The following ZNF787 variants were observed in gnomAD, a reference collection of about 807,000 sequenced individuals.
ZNF787 encodes the protein zinc finger protein 787, also known as TTF-I-interacting peptide 20.
A neutral mutation model predicts 16.9 loss-of-function variants in ZNF787; 7 were observed. The ratio of observed to expected loss-of-function variants is 0.42; its 90% CI spans 0.24 to 0.78. The LOEUF (loss-of-function observed/expected upper bound fraction) is 0.78, where lower values mean the gene tolerates loss of function less well. Among genes scored for constraint, ZNF787 ranks in the 30% least tolerant of loss-of-function variants. ZNF787 has a pLI of 0.30. For missense variants in ZNF787, 551 were observed against 589.3 expected, an observed-to-expected ratio of 0.94 and a Z score of 0.67; for synonymous variants, 345 against 270.9, an observed-to-expected ratio of 1.27 and a Z score of -2.69.
chr19:56,091,919 CAGCCGAAGCCGA>C (rs71184312), intron 2 of ZNF787, among the ~76,000 whole-genome samples: 2,308 of 141,924 alleles, frequency 0.016, 65 homozygotes, highest in African/African-American at 0.062. Context: ...GCCGCAGCCG[CAGCCGAAGCCGA>C]AGCCGAAGCC....
At chr19:56,106,609 T>G (rs1159183332) in intron 1 of ZNF787, among the ~76,000 whole-genome samples, 10 of 152,132 alleles carry the variant, frequency 6.6e-5, no homozygotes, top group East Asian at 3.9e-4. Flanking sequence ...CACCCCCAGG[T>G]GGGTAGGACT....
chr19:56,092,170 C>T (rs991025683), intron 2 of ZNF787, among the ~76,000 whole-genome samples: 3 of 152,198 alleles, frequency 2.0e-5, no homozygotes, highest in African/African-American at 7.2e-5. Context: ...CGGTGAGGAG[C>T]ACAAGAGTTC....
intron 2 of ZNF787, among the ~76,000 whole-genome samples, chr19:56,099,405 C>T (rs560039567): frequency 2.0e-5 from 3 of 152,196 alleles, no homozygotes; most frequent in South Asian, 2.1e-4. Context: ...AGAGAGCTGG[C>T]GGAAGGGGAC....
chr19:56,095,637 G>A (rs1985841569), intron 2 of ZNF787, among the ~76,000 whole-genome samples: 2 of 152,156 alleles, frequency 1.3e-5, no homozygotes, highest in South Asian at 4.1e-4. Context: ...CCAAGGACAG[G>A]GGCCCTGCTC....
At chr19:56,103,587 T>A in intron 1 of ZNF787, 1 of 266,916 alleles carries the variant, frequency 3.7e-6, no homozygotes. Context: ...GAGAACATGT[T>A]ACTGTCAAGC....
intron 2 of ZNF787, among the ~76,000 whole-genome samples, chr19:56,089,582 G>A (rs767221528): frequency 1.2e-4 from 19 of 152,138 alleles, no homozygotes; most frequent in Non-Finnish European, 2.4e-4. Context: ...AGACGTGCCC[G>A]CCAGGGAGCG....
At chr19:56,112,180 G>A (rs2029998648) in intron 1 of ZNF787, among the ~76,000 whole-genome samples, 1 of 152,174 alleles carries the variant, frequency 6.6e-6, no homozygotes, top group African/African-American at 2.4e-5. Context: ...AGCTCTCAGG[G>A]TCCAGGCCAG....
At chr19:56,103,057 G>A in intron 2 of ZNF787, 82 bp downstream of exon 2, 1 of 1,501,458 alleles carries the variant, frequency 6.7e-7, no homozygotes, top group Non-Finnish European at 9.2e-7. Context: ...GGGAAGGGGG[G>A]TTTCCTCCCA....
chr19:56,098,791 T>G (rs1418751253), intron 2 of ZNF787, among the ~76,000 whole-genome samples: 1 of 124,648 alleles, frequency 8.0e-6, no homozygotes, highest in Non-Finnish European at 1.8e-5. Flanking sequence ...ACCGGGTGAT[T>G]ACGGCCGCAG....
chr19:56,116,710 G>C (rs1478500591), intron 1 of ZNF787, among the ~76,000 whole-genome samples: 1 of 152,020 alleles, frequency 6.6e-6, no homozygotes, highest in East Asian at 1.9e-4. Flanking sequence ...CCATTTTCCA[G>C]ATGGTGTGGA....
rs190861679 is a variant in ZNF787, at chr19:56,108,282, C to T, written c.-10-5055G>A. ...CAGCACTCCCTGGCTCCCTCCACCCCGCCCCTGCCCAGAACTCCCAGCTCC... is the reference window on the plus strand; with the variant it reads ...CAGCACTCCCTGGCTCCCTCCACCCTGCCCCTGCCCAGAACTCCCAGCTCC... On this transcript the variant is annotated intron_variant, in intron 1 of 2. Coordinates refer to ENST00000610935, the MANE Select transcript of ZNF787 (RefSeq NM_001002836.4). 1.5e-3 allele frequency among the ~76,000 whole-genome samples: 213 copies of T among 145,658 alleles called. 5 individuals are homozygous for T. The highest frequency in any genetic ancestry group is 5.1e-3 in the African/African-American group (200 of 39,138).
intron 2 of ZNF787, among the ~76,000 whole-genome samples, chr19:56,092,016 ACCGAAG>A (rs150722212): frequency 0.68 from 97,879 of 144,816 alleles, 36,353 homozygotes; most frequent in South Asian, 0.89. Context: ...CAAAGCCGAA[ACCGAAG>A]CCGAAGCCGA....
At chr19:56,092,824 G>T (rs998044159) in intron 2 of ZNF787, among the ~76,000 whole-genome samples, 2 of 152,034 alleles carry the variant, frequency 1.3e-5, no homozygotes, top group African/African-American at 4.8e-5. Flanking sequence ...TGGCGGAAGT[G>T]GAATATCCAT....
intron 1 of ZNF787, among the ~76,000 whole-genome samples, chr19:56,115,505 C>T (rs2030108330): frequency 6.6e-6 from 1 of 151,914 alleles, no homozygotes; most frequent in African/African-American, 2.4e-5. Context: ...ACTACAGGCG[C>T]CCACCACCAC....
intron 1 of ZNF787, among the ~76,000 whole-genome samples, chr19:56,115,091 T>A (rs907524138): frequency 2.1e-4 from 32 of 151,984 alleles, no homozygotes; most frequent in Non-Finnish European, 8.8e-5. Flanking sequence ...CCCCGGGACA[T>A]CTCTGTGACA....
Position 56,097,423 on chromosome 19 carries a change from C to T in ZNF787, c.79+5716G>A, listed in dbSNP as rs181640524. On this transcript the variant is annotated intron_variant, in intron 2 of 2. Coordinates refer to ENST00000610935, the MANE Select transcript of ZNF787 (RefSeq NM_001002836.4). ...TCCAATCTCACATGCAGTTCTTCAC[C>T]GTGCTACACGTGGGAAACGCCGTGC... is the stretch of plus-strand genomic sequence containing the variant. 6.3e-4 allele frequency among the ~76,000 whole-genome samples: 96 copies of T among 152,348 alleles called. No individual in the cohort carries two copies. The Middle Eastern group carries it at 0.034, about 54-fold the overall frequency.
chr19:56,087,994 C>CAGGGG lies in ZNF787; in HGVS notation c.*28_*29insCCCCT. The CAGGGG allele has an allele frequency of 2.4e-6, 3 of 1,248,942 alleles. No individual in the cohort carries two copies. Among genetic ancestry groups the CAGGGG allele is most frequent in the Admixed American group, 5.4e-5 (1 of 18,430 alleles). The allele number at this position is 1,248,942 out of a possible 1,614,324, so 77.4% of individuals were successfully genotyped here. On this transcript the variant is annotated 3_prime_UTR_variant, in exon 3 of 3. Coordinates refer to ENST00000610935, the MANE Select transcript of ZNF787 (RefSeq NM_001002836.4). Reference sequence around the variant, plus strand: ...TCGCTCCCGCCAAGCCCGAGGGGCCCTGCCCGCCCCCCCCCCCGGGCCCCT... The same window carrying CAGGGG: ...TCGCTCCCGCCAAGCCCGAGGGGCCCAGGGGTGCCCGCCCCCCCCCCCGGGCCCCT...
intron 1 of ZNF787, among the ~76,000 whole-genome samples, chr19:56,120,582 G>T (rs2030261927): frequency 6.6e-6 from 1 of 152,172 alleles, no homozygotes; most frequent in Admixed American, 6.5e-5. Context: ...AAGGCCACGC[G>T]CAGCCCGCCC....
intron 1 of ZNF787, among the ~76,000 whole-genome samples, chr19:56,115,258 C>T (rs1419634850): frequency 6.6e-6 from 1 of 152,124 alleles, no homozygotes; most frequent in Non-Finnish European, 1.5e-5. Context: ...CCTGCACGTC[C>T]CTCTGGCGGG....
Sources: allele counts gnomAD v4.1 joint callset (sites outside exome capture counted in the v4.1 genomes callset), GRCh38; gene constraint gnomAD v4.1.1; transcripts MANE v1.5; gene names NCBI Gene and HGNC (gene_info 2026-07-23, HGNC 2026-07-21).